Variants in SOX5 observed in about 807,000 individuals in gnomAD.
The protein encoded by SOX5 is transcription factor SOX-5.
In SOX5, 9 loss-of-function variants were observed where a neutral mutation model predicts 92.0. The observed-to-expected ratio is 0.10, with a 90% CI of 0.06 to 0.17. SOX5 has a LOEUF of 0.17. SOX5 is among the 10% of genes least tolerant of loss of function. SOX5 has a pLI of 1.00. For synonymous variants in SOX5, 344 were observed against 336.3 expected (o/e 1.02, Z -0.25); for missense variants, 642 against 944.5 (o/e 0.68, Z 4.20).
chr12:23,727,987 G>A (rs1467237382), intron 6 of SOX5, among the ~76,000 whole-genome samples: 2 of 151,922 alleles, frequency 1.3e-5, no homozygotes, highest in African/African-American at 4.8e-5. Flanking sequence ...AAGAATGAGT[G>A]GATTTCTACC....
intron 1 of SOX5, among the ~76,000 whole-genome samples, chr12:24,413,171 T>C (rs4309241): frequency 0.62 from 94,790 of 151,930 alleles, 30,178 homozygotes; most frequent in East Asian, 0.98. Context: ...AATAACATTG[T>C]GAGTTTGTCT....
chr12:23,718,788 G>T (rs940063491), intron 6 of SOX5, among the ~76,000 whole-genome samples: 2 of 152,160 alleles, frequency 1.3e-5, no homozygotes, highest in African/African-American at 4.8e-5. Context: ...GGAAAAGACT[G>T]AAAACAAATG....
At chr12:23,617,812 T>C (rs1426447381) in intron 8 of SOX5, among the ~76,000 whole-genome samples, 1 of 152,154 alleles carries the variant, frequency 6.6e-6, no homozygotes, top group Non-Finnish European at 1.5e-5. Context: ...ACTTTTATAA[T>C]TGAAGCAGTT....
intron 6 of SOX5, among the ~76,000 whole-genome samples, chr12:23,672,334 A>G (rs1433549098): frequency 6.6e-6 from 1 of 152,184 alleles, no homozygotes; most frequent in Non-Finnish European, 1.5e-5. Context: ...AAAATATTGC[A>G]TTGAAGAACT....
At chr12:24,477,023 C>T (rs115820576) in intron 1 of SOX5, among the ~76,000 whole-genome samples, 2,732 of 141,050 alleles carry the variant, frequency 0.019, 40 homozygotes, top group African/African-American at 0.025. Context: ...AAAAAGAGTT[C>T]ATTCCAATCT....
chr12:24,429,012 G>T, intron 1 of SOX5, among the ~76,000 whole-genome samples: 1 of 151,982 alleles, frequency 6.6e-6, no homozygotes. Flanking sequence ...TAAGTCAGTA[G>T]GCATAAAGGT....
intron 6 of SOX5, among the ~76,000 whole-genome samples, chr12:23,727,569 A>G (rs2093202387): frequency 3.9e-5 from 6 of 152,194 alleles, no homozygotes; most frequent in Admixed American, 3.3e-4. Flanking sequence ...TACTTGATTG[A>G]ACAAGAAAAG....
intron 2 of SOX5, among the ~76,000 whole-genome samples, chr12:23,877,794 G>T (rs955775292): frequency 1.3e-5 from 2 of 151,928 alleles, no homozygotes; most frequent in Non-Finnish European, 2.9e-5. Flanking sequence ...TTTTGAAAAT[G>T]CTAGTATATA....
intron 3 of SOX5, among the ~76,000 whole-genome samples, chr12:23,764,802 T>G (rs896250503): frequency 6.6e-6 from 1 of 152,062 alleles, no homozygotes; most frequent in African/African-American, 2.4e-5. Context: ...TTTCAATACT[T>G]TAAAATTATG....
At chr12:23,758,095 C>T (rs2094455213) in intron 3 of SOX5, among the ~76,000 whole-genome samples, 2 of 146,522 alleles carry the variant, frequency 1.4e-5, no homozygotes, top group Non-Finnish European at 3.0e-5. Flanking sequence ...ATATCTAAAT[C>T]ACGGTTGTCA....
intron 4 of SOX5, among the ~76,000 whole-genome samples, chr12:24,002,136 T>C (rs767190832): frequency 1.3e-5 from 2 of 151,966 alleles, no homozygotes; most frequent in East Asian, 3.9e-4. Flanking sequence ...TCAGTTTGCA[T>C]GTTTAGAAAG....
chr12:24,223,520 A>G (rs1961040525), intron 3 of SOX5, among the ~76,000 whole-genome samples: 1 of 152,168 alleles, frequency 6.6e-6, no homozygotes, highest in Non-Finnish European at 1.5e-5. Context: ...TTGTGAGTCC[A>G]AGGCAGGAGG....
intron 4 of SOX5, among the ~76,000 whole-genome samples, chr12:24,062,032 A>G (rs528914795): frequency 7.2e-5 from 11 of 152,222 alleles, no homozygotes; most frequent in Non-Finnish European, 8.8e-5. Context: ...CAATATTAAC[A>G]AAGTTGCATC....
At chr12:24,430,408 T>C (rs1172426831) in intron 1 of SOX5, among the ~76,000 whole-genome samples, 1 of 152,000 alleles carries the variant, frequency 6.6e-6, no homozygotes, top group Non-Finnish European at 1.5e-5. Context: ...AAATTATATT[T>C]AAGAAGATTC....
chr12:24,407,201 G>A (rs1175351447), intron 1 of SOX5, among the ~76,000 whole-genome samples: 2 of 152,150 alleles, frequency 1.3e-5, no homozygotes, highest in Admixed American at 6.5e-5. Flanking sequence ...CTAAGAGAAG[G>A]AGAACAGAAG....
chr12:23,918,602 T>C (rs1405747041), intron 1 of SOX5, among the ~76,000 whole-genome samples: 3 of 152,200 alleles, frequency 2.0e-5, no homozygotes, highest in Non-Finnish European at 2.9e-5. Context: ...TCAAATATTT[T>C]ACCTGCCTAT....
At chr12:23,717,273 T>C (rs1311508414) in intron 6 of SOX5, among the ~76,000 whole-genome samples, 2 of 152,180 alleles carry the variant, frequency 1.3e-5, no homozygotes, top group Non-Finnish European at 2.9e-5. Context: ...TTAACACCAT[T>C]ACTGAACTTT....
At chr12:23,751,393 T>A in intron 4 of SOX5, among the ~76,000 whole-genome samples, 1 of 151,970 alleles carries the variant, frequency 6.6e-6, no homozygotes, top group Non-Finnish European at 1.5e-5. Flanking sequence ...TATAAACCCT[T>A]ACATATTGAA....
chr12:24,042,751 A>C (rs1860161669), intron 4 of SOX5, among the ~76,000 whole-genome samples: 1 of 152,150 alleles, frequency 6.6e-6, no homozygotes, highest in South Asian at 2.1e-4. Flanking sequence ...AAGGATGCTA[A>C]AGAAATCCAC....
Sources: gnomAD v4.1 joint callset for allele counts (sites outside exome capture counted in the v4.1 genomes callset) on GRCh38, gnomAD v4.1.1 for gene constraint, MANE v1.5 for transcripts, NCBI Gene and HGNC (gene_info 2026-07-23, HGNC 2026-07-21) for gene names.